The following GRM1 variants were observed in gnomAD, a reference collection of about 807,000 sequenced individuals.
GRM1 encodes the protein glutamate metabotropic receptor 1, also known as metabotropic glutamate receptor 1.
Under a neutral mutation model 90.9 loss-of-function variants are expected in GRM1, and 33 were observed. That is an observed-to-expected ratio of 0.36 (90% CI 0.28 to 0.49). The LOEUF is 0.49. Ranked by LOEUF, GRM1 falls within the 20% of genes least tolerant of loss-of-function variation. The pLI, the probability that GRM1 is intolerant of heterozygous loss-of-function variation, is 0.99. For missense variants in GRM1, 1,190 were observed against 1,534.3 expected, an observed-to-expected ratio of 0.78 and a Z score of 3.75; for synonymous variants, 700 against 613.2, an observed-to-expected ratio of 1.14 and a Z score of -2.09.
intron 1 of GRM1, among the ~76,000 whole-genome samples, chr6:146,073,078 T>G (rs1776068510): frequency 1.3e-5 from 2 of 152,058 alleles, no homozygotes; most frequent in Non-Finnish European, 2.9e-5. Context: ...TGATGATGAT[T>G]ATAGGTTAGT....
chr6:146,421,132 A>G (rs1364909325), intron 7 of GRM1, among the ~76,000 whole-genome samples: 1 of 152,182 alleles, frequency 6.6e-6, no homozygotes, highest in Non-Finnish European at 1.5e-5. Context: ...ATATATAAGA[A>G]AGATGAATGT....
At chr6:146,347,968 T>G (rs1785244176) in intron 3 of GRM1, among the ~76,000 whole-genome samples, 1 of 152,240 alleles carries the variant, frequency 6.6e-6, no homozygotes. Context: ...AAGGCAGCTA[T>G]TTTCATAACC....
chr6:146,234,182 G>C (rs1780547329), intron 2 of GRM1, among the ~76,000 whole-genome samples: 1 of 151,848 alleles, frequency 6.6e-6, no homozygotes, highest in African/African-American at 2.4e-5. Flanking sequence ...CATTTTGGTT[G>C]ATTTAACTTT....
chr6:146,317,592 AAT>A (rs764421984), intron 3 of GRM1, among the ~76,000 whole-genome samples: 3 of 152,264 alleles, frequency 2.0e-5, no homozygotes, highest in Non-Finnish European at 4.4e-5. Flanking sequence ...AGAAATTAAA[AAT>A]AGTTTAATGC....
intron 1 of GRM1, among the ~76,000 whole-genome samples, chr6:146,101,426 G>C (rs1177872352): frequency 6.6e-6 from 1 of 151,940 alleles, no homozygotes; most frequent in African/African-American, 2.4e-5. Flanking sequence ...AACCCATTAT[G>C]TACCCATTGT....
At chr6:146,354,507 T>G (rs1187633405) in intron 4 of GRM1, among the ~76,000 whole-genome samples, 1 of 152,212 alleles carries the variant, frequency 6.6e-6, no homozygotes, top group East Asian at 1.9e-4. Flanking sequence ...TAATTTTAGC[T>G]TGTTTCTTCT....
intron 1 of GRM1, among the ~76,000 whole-genome samples, chr6:146,153,179 A>G (rs1402052657): frequency 6.6e-6 from 1 of 152,186 alleles, no homozygotes; most frequent in Non-Finnish European, 1.5e-5. Context: ...TTCTTTAGAC[A>G]GTTTTCCTGA....
chr6:146,304,875 A>C, intron 3 of GRM1, 29 bp downstream of exon 3: 36 of 1,432,610 alleles, frequency 2.5e-5, no homozygotes, highest in Non-Finnish European at 3.1e-5. Context: ...ATAACAACTC[A>C]GAGGTTTGGT....
intron 2 of GRM1, among the ~76,000 whole-genome samples, chr6:146,189,022 G>A (rs142342433): frequency 8.1e-4 from 124 of 152,256 alleles, no homozygotes; most frequent in African/African-American, 2.9e-3. Flanking sequence ...AGTCCATAAC[G>A]TGGTTGAGAG....
intron 2 of GRM1, among the ~76,000 whole-genome samples, chr6:146,162,901 C>T (rs908650618): frequency 2.0e-5 from 3 of 152,018 alleles, no homozygotes; most frequent in African/African-American, 7.2e-5. Flanking sequence ...TACTTAGTAG[C>T]TTTTTGTCTT....
rs1040176325 is a variant in GRM1 at position 146,352,567 on chromosome 6, T to A, written c.1433+71T>A. 16 of 1,471,248 alleles carry A rather than the reference T, an allele frequency of 1.1e-5. No individual in the cohort carries two copies. In the African/African-American group the frequency reaches 1.8e-4, roughly 17 times the overall value. 91.1% of individuals were successfully genotyped at this position (1,471,248 alleles called of 1,614,324 possible). On this transcript the variant is annotated intron_variant, in intron 4 of 7. Coordinates refer to ENST00000282753, the MANE Select transcript of GRM1 (RefSeq NM_001278064.2). ...GTGCCAGACAGATGGCAACTGTGGC[T>A]TCATCTGGTTCCATGGTTTCTGGGT...
intron 2 of GRM1, among the ~76,000 whole-genome samples, chr6:146,179,774 C>T (rs1226203310): frequency 6.6e-6 from 1 of 152,202 alleles, no homozygotes; most frequent in Non-Finnish European, 1.5e-5. Flanking sequence ...CTCGGCCTCC[C>T]AAAGTGCTGG....
At chr6:146,252,409 G>T (rs150464883) in intron 2 of GRM1, among the ~76,000 whole-genome samples, 1 of 151,842 alleles carries the variant, frequency 6.6e-6, no homozygotes, top group Non-Finnish European at 1.5e-5. Context: ...AGGTCAAGGC[G>T]GGTGGATCAA....
chr6:146,334,768 G>T (rs1363660456), intron 3 of GRM1, among the ~76,000 whole-genome samples: 1 of 152,110 alleles, frequency 6.6e-6, no homozygotes, highest in Non-Finnish European at 1.5e-5. Context: ...GCACCTGATG[G>T]ATCATCATTT....
At chr6:146,353,854 A>G (rs1785489783) in intron 4 of GRM1, among the ~76,000 whole-genome samples, 1 of 152,058 alleles carries the variant, frequency 6.6e-6, no homozygotes, top group African/African-American at 2.4e-5. Context: ...CTCATCTTGA[A>G]CTTCTGACCT....
chr6:146,075,958 T>C (rs1776171823), intron 1 of GRM1, among the ~76,000 whole-genome samples: 1 of 152,210 alleles, frequency 6.6e-6, no homozygotes, highest in Admixed American at 6.6e-5. Context: ...TATGTCTAAA[T>C]AAGGTCACAT....
At chr6:146,128,807 T>C (rs193078691) in intron 1 of GRM1, among the ~76,000 whole-genome samples, 7 of 152,270 alleles carry the variant, frequency 4.6e-5, no homozygotes, top group Non-Finnish European at 1.0e-4. Flanking sequence ...TTTAAAAGAA[T>C]TGTCTATGAT....
chr6:146,061,776 A>G (rs1775679081), intron 1 of GRM1, among the ~76,000 whole-genome samples: 1 of 151,788 alleles, frequency 6.6e-6, no homozygotes, highest in African/African-American at 2.4e-5. Flanking sequence ...AGCTTTTTTT[A>G]GAAATCGAAA....
intron 3 of GRM1, among the ~76,000 whole-genome samples, chr6:146,322,204 G>A (rs528250782): frequency 6.6e-6 from 1 of 152,314 alleles, no homozygotes; most frequent in African/African-American, 2.4e-5. Flanking sequence ...TCCAGACCCT[G>A]TTTGCCTGGG....
Sources: gnomAD v4.1 joint callset for allele counts (sites outside exome capture counted in the v4.1 genomes callset) on GRCh38, gnomAD v4.1.1 for gene constraint, MANE v1.5 for transcripts, NCBI Gene and HGNC (gene_info 2026-07-23, HGNC 2026-07-21) for gene names.